Variants in SMIM27 observed in about 807,000 individuals in gnomAD.
The protein encoded by SMIM27 is TOPORS antisense RNA 1 (non-protein coding).
In SMIM27, 3 loss-of-function variants were observed where a neutral mutation model predicts 1.8. The ratio of observed to expected loss-of-function variants is 1.65; its 90% confidence interval spans 0.75 to 4.28. The LOEUF (loss-of-function observed/expected upper bound fraction) is 4.28, where lower values mean the gene tolerates loss of function less well. Among genes scored for constraint, SMIM27 ranks in the 30% most tolerant of loss-of-function variants. SMIM27 has a pLI of 0.02. For synonymous variants in SMIM27, 19 were observed against 13.9 expected, an observed-to-expected ratio of 1.37 and a Z score of -0.82; for missense variants, 63 against 37.0, an observed-to-expected ratio of 1.70 and a Z score of -1.83.
chr9:32,555,068 G>A (rs933090700), downstream of SMIM27, among the ~76,000 whole-genome samples: 1 of 151,596 alleles, frequency 6.6e-6, no homozygotes, highest in African/African-American at 2.4e-5. Context: ...ACACTTTGGT[G>A]CACGCTAGAG....
chr9:32,562,366 A>G (rs376616514), intron 1 of SMIM27, among the ~76,000 whole-genome samples: 24 of 152,294 alleles, frequency 1.6e-4, no homozygotes, highest in African/African-American at 5.5e-4. Context: ...GTCAGCAATC[A>G]GAATTTTAAA....
chr9:32,551,478 A>G (rs1003534866), upstream of SMIM27: 12 of 267,358 alleles, frequency 4.5e-5, no homozygotes, highest in Admixed American at 4.7e-5. Flanking sequence ...GGCTGGGGAG[A>G]AACAGGACAA....
intron 1 of SMIM27, chr9:32,566,250 G>A (rs992650250): frequency 1.9e-6 from 2 of 1,034,920 alleles, no homozygotes; most frequent in African/African-American, 1.6e-5. Context: ...TCTTATGGCA[G>A]ACAACACTAA....
At chr9:32,562,640 G>C (rs1821657956) in intron 1 of SMIM27, among the ~76,000 whole-genome samples, 2 of 152,098 alleles carry the variant, frequency 1.3e-5, no homozygotes, top group African/African-American at 2.4e-5. Context: ...TTGCTGACTA[G>C]TTTATTACTC....
chr9:32,552,212 C>A (rs1024856547), upstream of SMIM27: 64 of 589,618 alleles, frequency 1.1e-4, no homozygotes, highest in Admixed American at 3.0e-4. Context: ...AACATTTTCT[C>A]GTTTATTCCC....
At chr9:32,551,441 A>G (rs1239711921), upstream of SMIM27, 2 of 302,290 alleles carry the variant, frequency 6.6e-6, no homozygotes, top group East Asian at 8.4e-5. Context: ...AGTATCCTAT[A>G]AAGTCTTCAG....
At chr9:32,561,369 A>G (rs922427646) in intron 1 of SMIM27, among the ~76,000 whole-genome samples, 2 of 151,472 alleles carry the variant, frequency 1.3e-5, no homozygotes, top group African/African-American at 2.4e-5. Flanking sequence ...TATATCGCTC[A>G]GGCTGGAGAG....
intron 1 of SMIM27, among the ~76,000 whole-genome samples, chr9:32,559,508 C>T (rs1298641946): frequency 6.6e-6 from 1 of 152,176 alleles, no homozygotes; most frequent in African/African-American, 2.4e-5. Context: ...TCTTTTCTCC[C>T]TCACTTACTC....
intron 1 of SMIM27, among the ~76,000 whole-genome samples, chr9:32,560,448 A>C (rs541732139): frequency 6.6e-6 from 1 of 152,372 alleles, no homozygotes; most frequent in South Asian, 2.1e-4. Context: ...TTAAACCCAG[A>C]GTATAAATAA....
exon 2 of SMIM27, chr9:32,566,765 G>C (rs552680934): frequency 2.2e-6 from 2 of 902,166 alleles, no homozygotes; most frequent in Admixed American, 1.7e-5. Flanking sequence ...CCCGGGTGTC[G>C]GCTGCGACGT....
intron 1 of SMIM27, among the ~76,000 whole-genome samples, chr9:32,559,368 T>C (rs1162389633): frequency 6.6e-6 from 1 of 152,224 alleles, no homozygotes; most frequent in Non-Finnish European, 1.5e-5. Flanking sequence ...CCTACTAGCC[T>C]CCCTGCTTCC....
At chr9:32,566,751 T>G (rs182091184) in exon 2 of SMIM27, 11,500 of 917,906 alleles carry the variant, frequency 0.013, 113 homozygotes, top group Non-Finnish European at 0.016. Context: ...CAGCGGGTCC[T>G]CAGCCCGGGT....
intron 1 of SMIM27, chr9:32,566,027 G>A (rs938468571): frequency 1.8e-5 from 6 of 330,900 alleles, no homozygotes; most frequent in African/African-American, 4.2e-5. Context: ...CAGATTTGCC[G>A]GAAATATTTT....
chr9:32,565,242 G>A (rs1402714565), intron 1 of SMIM27, among the ~76,000 whole-genome samples: 3 of 151,328 alleles, frequency 2.0e-5, no homozygotes, highest in Admixed American at 6.6e-5. Flanking sequence ...GCAGTGAGCC[G>A]AGATCGCGCC....
intron 1 of SMIM27, 102 bp from the exon 2 acceptor site, chr9:32,552,699 T>C (rs916351326): frequency 3.0e-6 from 2 of 657,508 alleles, no homozygotes; most frequent in Non-Finnish European, 5.5e-6. Context: ...TTATTCGACT[T>C]TGTTACTTTA....
At chr9:32,564,735 T>C (rs750277299) in intron 1 of SMIM27, among the ~76,000 whole-genome samples, 4 of 152,166 alleles carry the variant, frequency 2.6e-5, no homozygotes, top group South Asian at 2.1e-4. Context: ...TCTGAGATGA[T>C]AGTAACTCTG....
At chr9:32,552,306 G>T (rs1307286505), upstream of SMIM27, 7 of 1,369,990 alleles carry the variant, frequency 5.1e-6, no homozygotes, top group Admixed American at 2.0e-5. Flanking sequence ...AGCGCTGCAC[G>T]AAGCGAGTGG....
upstream of SMIM27, chr9:32,551,448 TCAG>T: frequency 3.6e-6 from 1 of 280,306 alleles, no homozygotes; most frequent in Non-Finnish European, 7.2e-6. Context: ...TATAAAGTCT[TCAG>T]AGAGGGATCC....
Position 32,552,496 on chromosome 9 carries a change from G to A in SMIM27, c.45+17G>A. The A allele has an allele frequency of 1.3e-6, 2 of 1,576,538 alleles. No homozygotes were observed. The highest frequency in any genetic ancestry group is 1.7e-6 in the Non-Finnish European group (2 of 1,161,124). On this transcript the variant is annotated intron_variant, in intron 1 of 1. Coordinates refer to ENST00000692500, the MANE Select transcript of SMIM27 (RefSeq NM_001387564.1). ...TATTCAGTGGTAAGTCCCGGGGATC[G>A]CGGGCCCCCACCGTGTCGACTCACT...
Sources: allele counts gnomAD v4.1 joint callset (sites outside exome capture counted in the v4.1 genomes callset), GRCh38; gene constraint gnomAD v4.1.1; transcripts MANE v1.5; gene names NCBI Gene and HGNC (gene_info 2026-07-23, HGNC 2026-07-21).